Variants in UGT3A2 observed in about 807,000 individuals in gnomAD.
UGT3A2 encodes UDP glycosyltransferase family 3 member A2, also known as UDP-glycosyltransferase 3A2.
In UGT3A2, 32 loss-of-function variants were observed where a neutral mutation model predicts 39.8. The observed-to-expected ratio is 0.80, with a 90% CI of 0.61 to 1.08. The LOEUF is 1.08. Ranked by LOEUF, UGT3A2 falls within the 50% of genes least tolerant of loss-of-function variation. The probability of loss-of-function intolerance (pLI) is 0.00; values close to 1 mark genes in which losing one functional copy is unlikely to be tolerated. For synonymous variants in UGT3A2, 241 were observed against 230.7 expected (o/e 1.04, Z -0.40); for missense variants, 611 against 637.1 (o/e 0.96, Z 0.44).
In UGT3A2 at chr5:36,066,680, C is replaced by T; in HGVS notation, c.94+16G>A. 1 of 1,614,042 alleles carries T rather than the reference C, an allele frequency of 6.2e-7. No individual in the cohort carries two copies. The highest frequency in any genetic ancestry group is 8.5e-7 in the Non-Finnish European group (1 of 1,179,948). On this transcript the variant is annotated intron_variant, in intron 1 of 6. Coordinates refer to ENST00000282507, the MANE Select transcript of UGT3A2 (RefSeq NM_174914.4). ...CGGGACGCGCCTGTCTGGGAATTCTCCGGCCAAGCACTCACCTACTGTAGA... is the reference window on the plus strand; with the variant it reads ...CGGGACGCGCCTGTCTGGGAATTCTTCGGCCAAGCACTCACCTACTGTAGA...
At chr5:36,046,032 T>A (rs985404997) in intron 4 of UGT3A2, among the ~76,000 whole-genome samples, 2 of 152,202 alleles carry the variant, frequency 1.3e-5, no homozygotes, top group Admixed American at 6.5e-5. Context: ...TTGCTCAGTG[T>A]CACTGATTAT....
At position 36,050,495 on chromosome 5, in the gene UGT3A2, T is replaced by C. The variant is rs535968319; in HGVS notation, c.312-1075A>G. ...GGTCCCTCACTAGTGATATGCAGATTGGCTGAAGTCATCCTCTGTTGTAGA... is the reference window on the plus strand; with the variant it reads ...GGTCCCTCACTAGTGATATGCAGATCGGCTGAAGTCATCCTCTGTTGTAGA... On this transcript the variant is annotated intron_variant, in intron 3 of 6. Transcript: ENST00000282507. Among the ~76,000 whole-genome samples the C allele has an allele frequency of 2.0e-5, 3 of 152,346 alleles. No individual in the cohort carries two copies. In the South Asian group the frequency reaches 6.2e-4, roughly 32 times the overall value.
intron 4 of UGT3A2, among the ~76,000 whole-genome samples, chr5:36,040,580 T>C (rs1741975828): frequency 6.6e-6 from 1 of 152,140 alleles, no homozygotes; most frequent in African/African-American, 2.4e-5. Context: ...AAGTCAGTGC[T>C]CTGCAGTCAC....
intron 2 of UGT3A2, among the ~76,000 whole-genome samples, chr5:36,054,690 T>TA (rs34252526): frequency 4.2e-3 from 630 of 150,534 alleles, no homozygotes; most frequent in African/African-American, 0.014. Flanking sequence ...AAAAAGAAAG[T>TA]AAAAAAAAAA....
intron 2 of UGT3A2, among the ~76,000 whole-genome samples, chr5:36,061,320 A>AC (rs1394128378): frequency 6.6e-6 from 1 of 151,924 alleles, no homozygotes; most frequent in African/African-American, 2.4e-5. Flanking sequence ...CACATGTGCC[A>AC]TGCTGGTGCA....
intron 2 of UGT3A2, among the ~76,000 whole-genome samples, chr5:36,062,422 A>C (rs1390160922): frequency 6.6e-6 from 1 of 152,100 alleles, no homozygotes. Context: ...TTTTTGTATA[A>C]GGTGTAAGGA....
In UGT3A2 at chr5:36,035,857, G is replaced by A. The variant is rs1741805522; in HGVS notation, c.1413C>T (p.Leu471=). Reference sequence around the variant, plus strand: ...AGGGCTGCTGAAAGACATAGGGCTTGAGGTGCGTCGCGCCCCCTGTCTGGA... The same window carrying A: ...AGGGCTGCTGAAAGACATAGGGCTTAAGGTGCGTCGCGCCCCCTGTCTGGA... ...HVLQTGGATH[L]KPYVFQQPWH... The change falls in exon 7 of 7, where the codon CTC becomes CTT. Residue 471 remains leucine, a synonymous_variant. Coordinates refer to ENST00000282507, the MANE Select transcript of UGT3A2 (RefSeq NM_174914.4). The A allele has an allele frequency of 1.2e-6, 2 of 1,614,196 alleles. No homozygotes were observed. The highest frequency in any genetic ancestry group is 1.7e-6 in the Non-Finnish European group (2 of 1,180,036).
intron 3 of UGT3A2, among the ~76,000 whole-genome samples, chr5:36,051,075 G>A (rs569264823): frequency 6.6e-6 from 1 of 152,218 alleles, no homozygotes; most frequent in East Asian, 1.9e-4. Context: ...TCAAATGGGT[G>A]GATTAGATCA....
chr5:36,065,798 G>A (rs984254315), intron 1 of UGT3A2, among the ~76,000 whole-genome samples: 5 of 152,070 alleles, frequency 3.3e-5, no homozygotes, highest in African/African-American at 1.2e-4. Flanking sequence ...GCCCTCTCAG[G>A]AAATGAAAAT....
At chr5:36,050,415 G>A (rs939323302) in intron 3 of UGT3A2, among the ~76,000 whole-genome samples, 10 of 152,330 alleles carry the variant, frequency 6.6e-5, no homozygotes, top group Admixed American at 6.5e-4. Flanking sequence ...GGAAGACTGA[G>A]ATAATCAATT....
At chr5:36,066,560 CCCT>C in intron 1 of UGT3A2, 133 bp downstream of exon 1, 1 of 1,514,896 alleles carries the variant, frequency 6.6e-7, no homozygotes, top group Non-Finnish European at 9.1e-7. Flanking sequence ...ATGGGCTTCT[CCCT>C]CCTCCAGCCG....
chr5:36,035,960 G>A lies in UGT3A2; in HGVS notation c.1310C>T (p.Ala437Val). The A allele has an allele frequency of 6.2e-7, 1 of 1,613,808 alleles. No individual in the cohort carries two copies. Among genetic ancestry groups the A allele is most frequent in the Non-Finnish European group, 8.5e-7 (1 of 1,179,742 alleles). ...GCGCAGGATGACACTGGCAGCCACTGCCGCGGACTTGTATCTGTTGAGAGA... is the reference window on the plus strand; with the variant it reads ...GCGCAGGATGACACTGGCAGCCACTACCGCGGACTTGTATCTGTTGAGAGA... The part of the protein sequence containing the change: ...IMEDKRYKSA[A>V]VAASVILRSH... Residue 437 changes from alanine (A) to valine (V), a missense_variant, in exon 7 of 7, where the codon GCA becomes GTA. Transcript: ENST00000282507.
intron 2 of UGT3A2, among the ~76,000 whole-genome samples, chr5:36,062,348 T>G (rs1451519271): frequency 3.9e-5 from 6 of 152,088 alleles, no homozygotes; most frequent in Admixed American, 3.3e-4. Flanking sequence ...AATGCCTAGG[T>G]TTTCTTCTAG....
rs2111728383 is a variant in UGT3A2 at position 36,048,918 on chromosome 5, T to C, written c.814A>G (p.Met272Val). The stretch of plus-strand genomic sequence containing the variant: ...GGTACTGGTTTAATAGGTTTTTCCA[T>C]CAAGCCTCCAACATAAACAGTGTTG... ...LPNTVYVGGL[M>V]EKPIKPVPQD... Residue 272 changes from methionine (M) to valine (V), a missense_variant, in exon 4 of 7, where the codon ATG (methionine) becomes GTG (valine). Transcript: ENST00000282507. 2.5e-6 allele frequency: 4 copies of C among 1,614,032 alleles called. No homozygotes were observed. The East Asian group carries it at 8.9e-5, about 36-fold the overall frequency.
rs1316891764 is a variant in UGT3A2, at chr5:36,049,751, C to T, written c.312-331G>A. 2.0e-5 allele frequency among the ~76,000 whole-genome samples: 3 copies of T among 152,172 alleles called. No homozygotes were observed. In the East Asian group the frequency reaches 5.8e-4, roughly 29 times the overall value. ...TCTATCTCATTGATAAATTAGGTGA[C>T]ACTCTGTTTAGCCCTCATTTACACA... On this transcript the variant is annotated intron_variant, in intron 3 of 6. Coordinates refer to ENST00000282507, the MANE Select transcript of UGT3A2 (RefSeq NM_174914.4).
chr5:36,052,542 G>A (rs925016706), intron 2 of UGT3A2, among the ~76,000 whole-genome samples: 12 of 151,694 alleles, frequency 7.9e-5, no homozygotes, highest in Middle Eastern at 3.4e-3. Context: ...CTTCATCTGA[G>A]TAAATTGGTA....
At chr5:36,057,957 AAT>A (rs1742566403) in intron 2 of UGT3A2, among the ~76,000 whole-genome samples, 1 of 152,220 alleles carries the variant, frequency 6.6e-6, no homozygotes, top group African/African-American at 2.4e-5. Context: ...CTTAAAAATG[AAT>A]ATACTACAAC....
intron 3 of UGT3A2, among the ~76,000 whole-genome samples, chr5:36,050,504 T>C (rs946920997): frequency 6.6e-6 from 1 of 152,208 alleles, no homozygotes; most frequent in Non-Finnish European, 1.5e-5. Flanking sequence ...TTGGCTGAAG[T>C]CATCCTCTGT....
chr5:36,065,637 T>C (rs533765720), intron 1 of UGT3A2, among the ~76,000 whole-genome samples: 2 of 152,258 alleles, frequency 1.3e-5, no homozygotes, highest in Admixed American at 6.5e-5. Context: ...TAAACAGTGA[T>C]TTTTGAAAAT....
Sources: gnomAD v4.1 joint callset for allele counts (sites outside exome capture counted in the v4.1 genomes callset) on GRCh38, gnomAD v4.1.1 for gene constraint, MANE v1.5 for transcripts, NCBI Gene and HGNC (gene_info 2026-07-23, HGNC 2026-07-21) for gene names.